NTM: variants seen among roughly 807,000 people sequenced by gnomAD.
NTM encodes IgLON family member 2.
A neutral mutation model predicts 42.1 loss-of-function variants in NTM; 13 were observed. That is an observed-to-expected ratio of 0.31 (90% confidence interval 0.20 to 0.49). The LOEUF (loss-of-function observed/expected upper bound fraction) is 0.49. Ranked by LOEUF, NTM falls within the 20% of genes least tolerant of loss-of-function variation. The pLI, the probability that NTM is intolerant of heterozygous loss-of-function variation, is 0.99. For synonymous variants in NTM, 187 were observed against 179.2 expected, an observed-to-expected ratio of 1.04 and a Z score of -0.35; for missense variants, 373 against 452.8, an observed-to-expected ratio of 0.82 and a Z score of 1.60.
At chr11:131,467,457 C>A (rs1462356152) in intron 1 of NTM, among the ~76,000 whole-genome samples, 1 of 152,192 alleles carries the variant, frequency 6.6e-6, no homozygotes, top group African/African-American at 2.4e-5. Flanking sequence ...CTAAAAAATT[C>A]AACTGCACTT....
intron 1 of NTM, among the ~76,000 whole-genome samples, chr11:131,764,348 G>A (rs1237747463): frequency 6.6e-6 from 1 of 152,142 alleles, no homozygotes; most frequent in Non-Finnish European, 1.5e-5. Flanking sequence ...CAGGCTTGGA[G>A]AGGGCAGATT....
intron 1 of NTM, among the ~76,000 whole-genome samples, chr11:131,623,279 A>G (rs897914950): frequency 6.6e-6 from 1 of 152,222 alleles, no homozygotes; most frequent in Non-Finnish European, 1.5e-5. Flanking sequence ...CCTTGGCAGC[A>G]TGGATGGACA....
At chr11:131,620,792 C>T (rs997645002) in intron 1 of NTM, among the ~76,000 whole-genome samples, 2 of 152,184 alleles carry the variant, frequency 1.3e-5, no homozygotes, top group Admixed American at 1.3e-4. Flanking sequence ...CACATATCTG[C>T]TTGTTATTGT....
At chr11:131,905,308 T>C (rs1251108262) in intron 1 of NTM, among the ~76,000 whole-genome samples, 2 of 152,110 alleles carry the variant, frequency 1.3e-5, no homozygotes, top group African/African-American at 2.4e-5. Flanking sequence ...TGGATAAATA[T>C]GTACTGAATG....
intron 1 of NTM, among the ~76,000 whole-genome samples, chr11:131,606,662 G>T (rs2060986298): frequency 6.6e-6 from 1 of 152,072 alleles, no homozygotes; most frequent in Admixed American, 6.5e-5. Context: ...CAAGGGGGTG[G>T]GCACACTCAC....
chr11:131,942,914 C>T (rs1212020306), intron 2 of NTM, among the ~76,000 whole-genome samples: 2 of 149,934 alleles, frequency 1.3e-5, no homozygotes, highest in Non-Finnish European at 3.0e-5. Flanking sequence ...CCACCGCACT[C>T]CAGTCGGGTC....
chr11:131,949,204 C>A (rs1000851498), intron 2 of NTM, among the ~76,000 whole-genome samples: 2 of 152,210 alleles, frequency 1.3e-5, no homozygotes, highest in Non-Finnish European at 2.9e-5. Context: ...CATACTGTTA[C>A]ATGCATTAGT....
At chr11:132,196,589 A>G (rs1322291347) in intron 3 of NTM, among the ~76,000 whole-genome samples, 1 of 152,204 alleles carries the variant, frequency 6.6e-6, no homozygotes, top group Non-Finnish European at 1.5e-5. Context: ...GTACATATAC[A>G]CCATGGAATA....
intron 1 of NTM, among the ~76,000 whole-genome samples, chr11:131,838,757 T>G (rs916417418): frequency 6.6e-6 from 1 of 152,076 alleles, no homozygotes; most frequent in Non-Finnish European, 1.5e-5. Flanking sequence ...GAATAGAATA[T>G]AAACTATAGA....
intron 2 of NTM, among the ~76,000 whole-genome samples, chr11:132,109,785 C>G (rs1266916320): frequency 6.6e-6 from 1 of 152,106 alleles, no homozygotes; most frequent in Non-Finnish European, 1.5e-5. Flanking sequence ...TCTTTTATCC[C>G]TCACCTCCCT....
intron 1 of NTM, among the ~76,000 whole-genome samples, chr11:131,741,037 T>G (rs1027175664): frequency 2.0e-5 from 3 of 152,000 alleles, no homozygotes; most frequent in Non-Finnish European, 4.4e-5. Context: ...TGGTGGCAAG[T>G]GCCTGTAATC....
At chr11:131,853,011 A>G (rs2045742463) in intron 1 of NTM, among the ~76,000 whole-genome samples, 1 of 151,156 alleles carries the variant, frequency 6.6e-6, no homozygotes, top group Admixed American at 6.6e-5. Context: ...CCACCCATCC[A>G]TTTATTCTCC....
intron 1 of NTM, among the ~76,000 whole-genome samples, chr11:131,665,454 T>C (rs564642455): frequency 9.2e-5 from 14 of 152,184 alleles, no homozygotes; most frequent in Admixed American, 2.6e-4. Flanking sequence ...GGGAGATACT[T>C]AAAGAGGTGA....
rs572438947 is a variant in NTM, at chr11:131,768,202, T to G, written c.83-143362T>G. 1.0e-4 allele frequency among the ~76,000 whole-genome samples: 15 copies of G among 149,692 alleles called. No individual in the cohort carries two copies. In the South Asian group the frequency reaches 3.2e-3, roughly 32 times the overall value. On this transcript the variant is annotated intron_variant, in intron 1 of 8. Coordinates refer to ENST00000683400, the MANE Select transcript of NTM (RefSeq NM_001352005.2). ...CAATGGTGTGATCTCGACTACAACC[T>G]CCGCCTCCTGGGTTCAAGCAATTCT...
At chr11:131,547,930 C>G (rs1157664667) in intron 1 of NTM, among the ~76,000 whole-genome samples, 2 of 152,078 alleles carry the variant, frequency 1.3e-5, no homozygotes, top group Non-Finnish European at 2.9e-5. Context: ...TTAGCCAATG[C>G]CTAGGAGGCG....
intron 1 of NTM, among the ~76,000 whole-genome samples, chr11:131,809,913 T>C (rs149774608): frequency 6.6e-6 from 1 of 152,328 alleles, no homozygotes; most frequent in Non-Finnish European, 1.5e-5. Flanking sequence ...TGGATGTATG[T>C]TTTGATAGAA....
chr11:131,492,346 C>T (rs937117423), intron 1 of NTM, among the ~76,000 whole-genome samples: 1 of 152,202 alleles, frequency 6.6e-6, no homozygotes, highest in African/African-American at 2.4e-5. Flanking sequence ...GAAAGCCAAC[C>T]CTTGAGTGCA....
At chr11:132,049,995 C>A (rs2135905941) in intron 2 of NTM, among the ~76,000 whole-genome samples, 1 of 152,238 alleles carries the variant, frequency 6.6e-6, no homozygotes, top group Admixed American at 6.5e-5. Context: ...TGTCTCTCTC[C>A]CAGCTTTCCC....
intron 4 of NTM, among the ~76,000 whole-genome samples, chr11:132,275,750 GTA>G (rs61689140): frequency 0.69 from 82,546 of 119,840 alleles, 24,778 homozygotes; most frequent in East Asian, 0.85. Flanking sequence ...ATATATATGT[GTA>G]TATATATATA....
Sources: allele counts gnomAD v4.1 joint callset (sites outside exome capture counted in the v4.1 genomes callset), GRCh38; gene constraint gnomAD v4.1.1; transcripts MANE v1.5; gene names NCBI Gene and HGNC (gene_info 2026-07-23, HGNC 2026-07-21).